The following FOXK2 variants were observed in gnomAD, a reference collection of about 807,000 sequenced individuals.
FOXK2 encodes forkhead box K2, also known as forkhead box protein K2.
FOXK2 carries 24 observed loss-of-function variants against 53.3 expected under a neutral mutation model. The ratio of observed to expected loss-of-function variants is 0.45; its 90% CI spans 0.33 to 0.63. FOXK2 has a LOEUF of 0.63. Ranked by LOEUF, FOXK2 falls within the 30% of genes least tolerant of loss-of-function variation. The probability of loss-of-function intolerance (pLI) is 0.03; values close to 1 mark genes in which losing one functional copy is unlikely to be tolerated. For synonymous variants in FOXK2, 505 were observed against 407.1 expected, an observed-to-expected ratio of 1.24 and a Z score of -2.89; for missense variants, 952 against 910.5, an observed-to-expected ratio of 1.05 and a Z score of -0.59.
At chr17:82,596,106 C>CACCTGCGGCCAT in intron 8 of FOXK2, 4 of 1,056,318 alleles carry the variant, frequency 3.8e-6, no homozygotes, top group Non-Finnish European at 4.6e-6. Flanking sequence ...GTTGAGGCCA[C>CACCTGCGGCCAT]ACCTGCGGCC....
At chr17:82,577,706 G>A (rs74417051) in intron 4 of FOXK2, among the ~76,000 whole-genome samples, 8,416 of 152,298 alleles carry the variant, frequency 0.055, 316 homozygotes, top group Non-Finnish European at 0.086. Flanking sequence ...AGCCTCCAAA[G>A]GGACTAGAGC....
chr17:82,579,413 C>A (rs2045030483), intron 4 of FOXK2, among the ~76,000 whole-genome samples: 1 of 152,214 alleles, frequency 6.6e-6, no homozygotes, highest in South Asian at 2.1e-4. Flanking sequence ...GATGCCCTTA[C>A]CTATAAACAG....
chr17:82,569,002 C>T (rs937962902), intron 3 of FOXK2, among the ~76,000 whole-genome samples: 1 of 152,070 alleles, frequency 6.6e-6, no homozygotes, highest in Non-Finnish European at 1.5e-5. Flanking sequence ...AGAGAGTGAG[C>T]TCCTGTTTCA....
At position 82,586,187 on chromosome 17, in the gene FOXK2, C is replaced by G; in HGVS notation, c.1563C>G (p.His521Gln). The G allele has an allele frequency of 6.3e-7, 1 of 1,591,730 alleles. No individual in the cohort carries two copies. Among genetic ancestry groups the G allele is most frequent in the South Asian group, 1.2e-5 (1 of 85,468 alleles). ...CAGAGGCCCAGGAGAATGGAGACCA[C>G]AGGGAAGTCAAAGGTAGGCGGAGGG... ...PKAEAQENGD[H>Q]REVKVKVEPI... The change falls in exon 7 of 9, where the codon CAC (histidine) becomes CAG (glutamine). Residue 521 changes from histidine to glutamine, a missense_variant. Physicochemically the swap from His to Gln is conservative, Grantham distance 24. This residue lies in a region of FOXK2 where 551 missense variants were observed against 385.1 expected (regional missense o/e 1.43). Transcript: ENST00000335255.
At chr17:82,535,348 T>G (rs1244103168) in intron 1 of FOXK2, among the ~76,000 whole-genome samples, 1 of 152,272 alleles carries the variant, frequency 6.6e-6, no homozygotes, top group Non-Finnish European at 1.5e-5. Context: ...TTTGTTGAGC[T>G]TCTTGGATTT....
At chr17:82,527,342 A>C (rs2044428558) in intron 1 of FOXK2, among the ~76,000 whole-genome samples, 1 of 152,060 alleles carries the variant, frequency 6.6e-6, no homozygotes, top group African/African-American at 2.4e-5. Flanking sequence ...TTTTAAAGAA[A>C]TTTTGGCTGG....
At position 82,586,132 on chromosome 17, in the gene FOXK2, C is replaced by G; in HGVS notation, c.1508C>G (p.Thr503Ser). 2 of 1,612,522 alleles carry G rather than the reference C, an allele frequency of 1.2e-6. No individual in the cohort carries two copies. Among genetic ancestry groups the G allele is most frequent in the East Asian group, 2.2e-5 (1 of 44,882 alleles). ...ACTGTCTCTGGACAAGCTGTGGTCA[C>G]CCCGGCAGCCGTGCTGGCCCCTCCT... The part of the protein sequence containing the change: ...TYTVSGQAVV[T>S]PAAVLAPPKA... Residue 503 changes from threonine (T) to serine (S), a missense_variant, in exon 7 of 9, where the codon ACC (threonine) becomes AGC (serine). Physicochemically the swap from Thr to Ser is moderately conservative, Grantham distance 58 (BLOSUM62 1). This residue lies in a region of FOXK2 where 551 missense variants were observed against 385.1 expected (regional missense o/e 1.43). Transcript: ENST00000335255.
At chr17:82,560,152 T>A (rs2044777226) in intron 1 of FOXK2, among the ~76,000 whole-genome samples, 1 of 151,896 alleles carries the variant, frequency 6.6e-6, no homozygotes, top group Admixed American at 6.6e-5. Context: ...ATTACACGTG[T>A]GTGCCACCAT....
chr17:82,534,314 A>C (rs1398435690), intron 1 of FOXK2, among the ~76,000 whole-genome samples: 1 of 152,140 alleles, frequency 6.6e-6, no homozygotes, highest in Non-Finnish European at 1.5e-5. Context: ...ACATGGACAA[A>C]ATTTCTTGTG....
chr17:82,574,693 C>G (rs1294653843), intron 4 of FOXK2, among the ~76,000 whole-genome samples: 2 of 152,216 alleles, frequency 1.3e-5, no homozygotes, highest in Non-Finnish European at 2.9e-5. Context: ...CGGGCTCTTC[C>G]TGTGCCATGA....
intron 6 of FOXK2, chr17:82,585,118 A>C (rs1027793959): frequency 6.6e-6 from 1 of 152,174 alleles, no homozygotes; most frequent in Non-Finnish European, 1.5e-5. Context: ...AAACCATGGC[A>C]GAGGCCCCTG....
intron 4 of FOXK2, among the ~76,000 whole-genome samples, chr17:82,575,764 A>G (rs2044974887): frequency 6.6e-6 from 1 of 152,132 alleles, no homozygotes; most frequent in Admixed American, 6.6e-5. Flanking sequence ...CTTGAGTAAC[A>G]CCCTAGATAG....
At chr17:82,589,016 C>G (rs1380305867) in intron 8 of FOXK2, among the ~76,000 whole-genome samples, 1 of 151,800 alleles carries the variant, frequency 6.6e-6, no homozygotes, top group East Asian at 1.9e-4. Flanking sequence ...TGAGATCATG[C>G]CACTGCACTC....
intron 8 of FOXK2, among the ~76,000 whole-genome samples, chr17:82,594,164 T>A (rs12150481): frequency 6.6e-6 from 1 of 152,000 alleles, no homozygotes; most frequent in Non-Finnish European, 1.5e-5. Context: ...TCAAGTGTTA[T>A]GACGTAGGTT....
chr17:82,560,427 C>T (rs971295266), intron 1 of FOXK2, among the ~76,000 whole-genome samples: 1 of 151,674 alleles, frequency 6.6e-6, no homozygotes, highest in African/African-American at 2.4e-5. Flanking sequence ...GTGCCCGGCC[C>T]TCCTCGCTGT....
chr17:82,561,304 A>G (rs1282524036), intron 1 of FOXK2, among the ~76,000 whole-genome samples: 1 of 151,888 alleles, frequency 6.6e-6, no homozygotes, highest in Non-Finnish European at 1.5e-5. Context: ...GTTGATGCAT[A>G]TGAGGGGCCA....
intron 1 of FOXK2, 71 bp from the exon 2 acceptor site, chr17:82,563,283 G>A: frequency 7.0e-7 from 1 of 1,434,660 alleles, no homozygotes; most frequent in Non-Finnish European, 9.5e-7. Context: ...GTGTTGTGGG[G>A]ACATGTGGGG....
chr17:82,595,217 A>C (rs2045297708), intron 8 of FOXK2, among the ~76,000 whole-genome samples: 2 of 152,192 alleles, frequency 1.3e-5, no homozygotes, highest in South Asian at 4.1e-4. Context: ...CTGTAAACAG[A>C]TTCCCATTAG....
chr17:82,570,471 C>T (rs534352850), intron 3 of FOXK2, among the ~76,000 whole-genome samples: 6 of 152,180 alleles, frequency 3.9e-5, no homozygotes, highest in South Asian at 2.1e-4. Flanking sequence ...CTGGCCTGGG[C>T]GACAGAGTGA....
Sources: gnomAD v4.1 joint callset for allele counts (sites outside exome capture counted in the v4.1 genomes callset) on GRCh38, gnomAD v4.1.1 for gene constraint, gnomAD v4.1.1 regional missense constraint, MANE v1.5 for transcripts, NCBI Gene and HGNC (gene_info 2026-07-23, HGNC 2026-07-21) for gene names.